MAMDC2: variants seen among roughly 807,000 people sequenced by gnomAD.
MAMDC2 encodes the protein MAM domain-containing protein 2.
A neutral mutation model predicts 89.8 loss-of-function variants in MAMDC2; 57 were observed. The observed-to-expected ratio is 0.63, with a 90% confidence interval of 0.51 to 0.79. The LOEUF is 0.79. Ranked by LOEUF, MAMDC2 falls within the 30% of genes least tolerant of loss-of-function variation. The probability of loss-of-function intolerance (pLI) is 0.00; values close to 1 mark genes in which losing one functional copy is unlikely to be tolerated. For missense variants in MAMDC2, 800 were observed against 820.6 expected (o/e 0.97, Z 0.31); for synonymous variants, 313 against 293.4 (o/e 1.07, Z -0.68).
Position 70,131,545 on chromosome 9 carries a change from T to C in MAMDC2, c.927T>C (p.Gly309=). 6.2e-7 allele frequency: 1 copy of C among 1,608,544 alleles called. No individual in the cohort carries two copies. The highest frequency in any genetic ancestry group is 1.1e-5 in the South Asian group (1 of 89,538). ...TTATTTTTGAAGTTGCTTTCAATGG[T>C]CCCAAGGGAGGTTATGTTGCCCTGG... The part of the protein sequence containing the change: ...MEVIFEVAFN[G]PKGGYVALDD... The change falls in exon 7 of 14, where the codon GGT becomes GGC. Residue 309 remains glycine, a synonymous_variant. Transcript: ENST00000377182.
chr9:70,074,059 C>A (rs1827471473), intron 2 of MAMDC2, among the ~76,000 whole-genome samples: 1 of 152,188 alleles, frequency 6.6e-6, no homozygotes. Context: ...CCTCTGGAAT[C>A]AAATCCTCTA....
intron 2 of MAMDC2, among the ~76,000 whole-genome samples, chr9:70,087,869 T>C (rs1376850221): frequency 6.6e-6 from 1 of 152,192 alleles, no homozygotes; most frequent in Non-Finnish European, 1.5e-5. Context: ...GCCTGCACTC[T>C]TGCTACTTCT....
chr9:70,123,891 T>G (rs888872548), intron 5 of MAMDC2, among the ~76,000 whole-genome samples: 6 of 152,220 alleles, frequency 3.9e-5, no homozygotes, highest in Non-Finnish European at 4.4e-5. Flanking sequence ...GAACAATCCC[T>G]GCTGACACCT....
intron 9 of MAMDC2, among the ~76,000 whole-genome samples, chr9:70,144,145 T>C (rs1209969803): frequency 6.6e-6 from 1 of 152,196 alleles, no homozygotes. Flanking sequence ...TAATTCTCTC[T>C]CTCTCTTTTT....
intron 7 of MAMDC2, among the ~76,000 whole-genome samples, chr9:70,132,519 G>A (rs574043927): frequency 3.9e-4 from 52 of 132,718 alleles, no homozygotes; most frequent in South Asian, 8.2e-4. Flanking sequence ...CTGCAAATCG[G>A]GGGACTAAGA....
chr9:70,204,662 G>C (rs374646865), intron 11 of MAMDC2, among the ~76,000 whole-genome samples: 2 of 151,522 alleles, frequency 1.3e-5, no homozygotes, highest in East Asian at 1.9e-4. Context: ...AGCCTCGCTG[G>C]CGCCTTGCAG....
intron 6 of MAMDC2, 67 bp from the exon 7 acceptor site, chr9:70,131,452 C>A (rs2030800418): frequency 1.9e-6 from 2 of 1,048,148 alleles, no homozygotes; most frequent in Admixed American, 2.4e-5. Flanking sequence ...CATTTTAAAT[C>A]ATTAAGAGCA....
At chr9:70,048,647 TA>T (rs1029234483) in intron 2 of MAMDC2, among the ~76,000 whole-genome samples, 5 of 151,972 alleles carry the variant, frequency 3.3e-5, no homozygotes, top group Non-Finnish European at 7.4e-5. Flanking sequence ...ATTTATCCTA[TA>T]AAAAAAATCA....
chr9:70,125,268 G>A (rs1366550767), intron 5 of MAMDC2, among the ~76,000 whole-genome samples: 1 of 152,198 alleles, frequency 6.6e-6, no homozygotes, highest in Non-Finnish European at 1.5e-5. Context: ...CCAGGCACAC[G>A]CTAAGCACTT....
intron 12 of MAMDC2, among the ~76,000 whole-genome samples, chr9:70,219,157 A>G (rs1473486534): frequency 6.6e-6 from 1 of 152,108 alleles, no homozygotes. Context: ...TGTCCATCCT[A>G]GATGTTCTCT....
At position 70,113,216 on chromosome 9, in the gene MAMDC2, G is replaced by T. The variant is rs572303829; in HGVS notation, c.643+84G>T. 5.9e-5 allele frequency: 88 copies of T among 1,496,290 alleles called. 1 individual carries two copies. The African/African-American group carries it at 1.2e-3, about 20-fold the overall frequency. The allele number at this position is 1,496,290 out of a possible 1,614,324, so 92.7% of individuals were successfully genotyped here. Reference sequence around the variant, plus strand: ...CACTTCCTGCACTGACCTAGCTGTGGCTTCTGTCAACAGGGAAGAGAGGAG... The same window carrying T: ...CACTTCCTGCACTGACCTAGCTGTGTCTTCTGTCAACAGGGAAGAGAGGAG... On this transcript the variant is annotated intron_variant, in intron 5 of 13. Coordinates refer to ENST00000377182, the MANE Select transcript of MAMDC2 (RefSeq NM_153267.5).
In MAMDC2 at chr9:70,181,731, A is replaced by G. The variant is rs146417699; in HGVS notation, c.1651+11100A>G. Reference sequence around the variant, plus strand: ...GTATCCAGAGACTTTGCTGAAGTTGATTATCAGCTTAAGGAGTTTTTGGGC... The same window carrying G: ...GTATCCAGAGACTTTGCTGAAGTTGGTTATCAGCTTAAGGAGTTTTTGGGC... On this transcript the variant is annotated intron_variant, in intron 11 of 13. Coordinates refer to ENST00000377182, the MANE Select transcript of MAMDC2 (RefSeq NM_153267.5). Among the ~76,000 whole-genome samples, 65 of 152,224 alleles carry G rather than the reference A, an allele frequency of 4.3e-4. 1 individual carries two copies. The highest frequency in any genetic ancestry group is 1.5e-3 in the African/African-American group (62 of 41,552).
intron 11 of MAMDC2, among the ~76,000 whole-genome samples, chr9:70,191,550 G>C (rs960337185): frequency 2.0e-5 from 3 of 151,682 alleles, no homozygotes; most frequent in Non-Finnish European, 2.9e-5. Flanking sequence ...GGACTTGTCA[G>C]TGAAAAATTA....
rs571558005 is a variant in MAMDC2, at chr9:70,104,041, A to T, written c.149-4170A>T. Among the ~76,000 whole-genome samples the T allele has an allele frequency of 4.6e-5, 7 of 152,262 alleles. No homozygotes were observed. In the Middle Eastern group the frequency reaches 0.014, roughly 296 times the overall value. Reference sequence around the variant, plus strand: ...ACAGAATGGGAAAAAGTATTTGCAAATTTTCTATTCGATAAGATCTATTAT... The same window carrying T: ...ACAGAATGGGAAAAAGTATTTGCAATTTTTCTATTCGATAAGATCTATTAT... On this transcript the variant is annotated intron_variant, in intron 2 of 13. Transcript: ENST00000377182.
intron 7 of MAMDC2, among the ~76,000 whole-genome samples, chr9:70,133,701 G>A (rs2030895060): frequency 6.6e-6 from 1 of 152,214 alleles, no homozygotes; most frequent in Non-Finnish European, 1.5e-5. Flanking sequence ...CTATAGCAAA[G>A]ACGGAAGAAG....
intron 2 of MAMDC2, 142 bp from the exon 3 acceptor site, chr9:70,108,069 C>T: frequency 1.4e-6 from 1 of 728,956 alleles, no homozygotes; most frequent in Non-Finnish European, 2.2e-6. Flanking sequence ...GGCCAGTGAT[C>T]CAGTGTTCAG....
At chr9:70,219,328 A>G (rs2033511558) in intron 12 of MAMDC2, among the ~76,000 whole-genome samples, 1 of 152,232 alleles carries the variant, frequency 6.6e-6, no homozygotes, top group Non-Finnish European at 1.5e-5. Context: ...GTGGGAGATG[A>G]TAACGTTCAG....
At chr9:70,211,808 T>G (rs1380575870) in intron 11 of MAMDC2, among the ~76,000 whole-genome samples, 2 of 152,218 alleles carry the variant, frequency 1.3e-5, no homozygotes, top group Non-Finnish European at 1.5e-5. Context: ...GGGGTTTTGG[T>G]GTGGATGTCC....
intron 9 of MAMDC2, among the ~76,000 whole-genome samples, chr9:70,162,907 C>G (rs1373872716): frequency 2.7e-5 from 1 of 37,564 alleles, no homozygotes; most frequent in Non-Finnish European, 6.4e-5. Flanking sequence ...AACCACCCCC[C>G]TCAAAAAAAA....
Sources: allele counts gnomAD v4.1 joint callset (sites outside exome capture counted in the v4.1 genomes callset), GRCh38; gene constraint gnomAD v4.1.1; transcripts MANE v1.5; gene names NCBI Gene and HGNC (gene_info 2026-07-23, HGNC 2026-07-21).